The following AKAP19 variants were observed in gnomAD, a reference collection of about 807,000 sequenced individuals.
AKAP19 encodes small A-kinase anchoring protein.
chr2:190,024,784 A>G, the AKAP19 span, among the ~76,000 whole-genome samples: 23 of 152,048 alleles, frequency 1.5e-4, no homozygotes, highest in Non-Finnish European at 3.4e-4. Context: ...TCAGTCCTTC[A>G]TTGTTTCTAA....
the AKAP19 span, among the ~76,000 whole-genome samples, chr2:189,913,003 G>C: frequency 1.3e-5 from 2 of 152,084 alleles, no homozygotes; most frequent in Non-Finnish European, 2.9e-5. Context: ...CTGAGCTAAA[G>C]AGAAAAAGGA....
chr2:189,884,105 T>C, the AKAP19 span, among the ~76,000 whole-genome samples: 1 of 152,172 alleles, frequency 6.6e-6, no homozygotes. Flanking sequence ...ATAGGTATTT[T>C]AGTTATGTTT....
the AKAP19 span, among the ~76,000 whole-genome samples, chr2:190,061,415 T>A: frequency 6.6e-6 from 1 of 151,964 alleles, no homozygotes; most frequent in African/African-American, 2.4e-5. Context: ...GCAGTGTAGA[T>A]ACTACAGGTA....
chr2:189,979,209 A>C, the AKAP19 span, among the ~76,000 whole-genome samples: 1 of 152,080 alleles, frequency 6.6e-6, no homozygotes, highest in African/African-American at 2.4e-5. Context: ...AACCAAAACA[A>C]CATGGTACTG....
At chr2:190,053,011 A>G in the AKAP19 span, among the ~76,000 whole-genome samples, 1 of 152,202 alleles carries the variant, frequency 6.6e-6, no homozygotes, top group South Asian at 2.1e-4. Flanking sequence ...TGCTTATTTA[A>G]AACATCAGCT....
At chr2:190,144,027 G>A in the AKAP19 span, among the ~76,000 whole-genome samples, 3 of 80,632 alleles carry the variant, frequency 3.7e-5, no homozygotes, top group South Asian at 4.6e-4. Context: ...GTGGTGGGGT[G>A]GGGGGAGGGG....
At chr2:190,066,006 C>G in the AKAP19 span, among the ~76,000 whole-genome samples, 1 of 152,118 alleles carries the variant, frequency 6.6e-6, no homozygotes, top group Non-Finnish European at 1.5e-5. Context: ...GACAGTACTG[C>G]ATCATTAGGG....
chr2:190,086,315 G>A, the AKAP19 span, among the ~76,000 whole-genome samples: 22 of 152,320 alleles, frequency 1.4e-4, no homozygotes, highest in Admixed American at 3.9e-4. Flanking sequence ...GTTAGTAGGA[G>A]CAGTCCTCCT....
the AKAP19 span, among the ~76,000 whole-genome samples, chr2:190,034,801 C>G: frequency 7.3e-4 from 91 of 125,094 alleles, no homozygotes; most frequent in African/African-American, 2.7e-3. Flanking sequence ...TTGCAATGAG[C>G]AGAGATTGCA....
At chr2:190,092,842 C>T in the AKAP19 span, among the ~76,000 whole-genome samples, 1 of 151,958 alleles carries the variant, frequency 6.6e-6, no homozygotes, top group Non-Finnish European at 1.5e-5. Flanking sequence ...TAATTTTATA[C>T]CAGATCAAAG....
At chr2:190,184,089 ATAACTC>A in the AKAP19 span, among the ~76,000 whole-genome samples, 1 of 152,106 alleles carries the variant, frequency 6.6e-6, no homozygotes. Flanking sequence ...GCAGTAGTAA[ATAACTC>A]TAATCAGTAT....
At chr2:190,181,498 C>T in the AKAP19 span, 2 of 152,152 alleles carry the variant, frequency 1.3e-5, no homozygotes, top group East Asian at 3.9e-4. Flanking sequence ...AGTATTAGCT[C>T]TCGTGCTCTT....
chr2:190,001,833 A>G, the AKAP19 span, among the ~76,000 whole-genome samples: 1,767 of 152,266 alleles, frequency 0.012, 31 homozygotes, highest in African/African-American at 0.04. Context: ...TGGAACTACT[A>G]CTTCTTCTCT....
At chr2:190,172,132 C>T in the AKAP19 span, among the ~76,000 whole-genome samples, 1 of 152,176 alleles carries the variant, frequency 6.6e-6, no homozygotes, top group East Asian at 1.9e-4. Context: ...ATGCTCATTG[C>T]CACGCCTGTT....
At chr2:189,918,293 C>T in the AKAP19 span, among the ~76,000 whole-genome samples, 1 of 151,760 alleles carries the variant, frequency 6.6e-6, no homozygotes, top group Admixed American at 6.6e-5. Context: ...CCAAGGTTTC[C>T]TCTTTAATTG....
At chr2:189,902,954 GA>G in the AKAP19 span, among the ~76,000 whole-genome samples, 2 of 148,930 alleles carry the variant, frequency 1.3e-5, no homozygotes, top group East Asian at 2.0e-4. Flanking sequence ...AACTACAGAG[GA>G]AAAAAAAACT....
At chr2:190,138,665 C>A in the AKAP19 span, among the ~76,000 whole-genome samples, 3 of 152,200 alleles carry the variant, frequency 2.0e-5, no homozygotes, top group Non-Finnish European at 4.4e-5. Context: ...TTTAACAGGG[C>A]ACTCCATCAC....
At chr2:190,045,657 C>T in the AKAP19 span, among the ~76,000 whole-genome samples, 1 of 152,288 alleles carries the variant, frequency 6.6e-6, no homozygotes, top group East Asian at 1.9e-4. Context: ...AAGGGAGGCG[C>T]AATGCTCCTA....
At chr2:189,971,056 C>T in the AKAP19 span, among the ~76,000 whole-genome samples, 6 of 151,992 alleles carry the variant, frequency 3.9e-5, no homozygotes, top group Admixed American at 6.6e-5. Flanking sequence ...CATATGTATA[C>T]GTGTGCCTTG....
Sources: gnomAD v4.1 joint callset for allele counts (sites outside exome capture counted in the v4.1 genomes callset) on GRCh38, gnomAD v4.1.1 for gene constraint, MANE v1.5 for transcripts, NCBI Gene and HGNC (gene_info 2026-07-23, HGNC 2026-07-21) for gene names.